Variants in KHDRBS2 observed in about 807,000 individuals in gnomAD.
The protein encoded by KHDRBS2 is KH RNA binding domain containing, signal transduction associated 2.
Under a neutral mutation model 44.3 loss-of-function variants are expected in KHDRBS2, and 26 were observed. The ratio of observed to expected loss-of-function variants is 0.59; its 90% CI spans 0.43 to 0.81. The LOEUF (loss-of-function observed/expected upper bound fraction) is 0.81, where lower values mean the gene tolerates loss of function less well. KHDRBS2 is among the 40% of genes least tolerant of loss of function. The pLI is 0.00. For missense variants in KHDRBS2, 476 were observed against 433.1 expected, an observed-to-expected ratio of 1.10 and a Z score of -0.88; for synonymous variants, 194 against 151.1, an observed-to-expected ratio of 1.28 and a Z score of -2.08.
chr6:61,548,256 A>G, the KHDRBS2 span, among the ~76,000 whole-genome samples: 1 of 152,168 alleles, frequency 6.6e-6, no homozygotes, highest in Non-Finnish European at 1.5e-5. Context: ...AAAACATGAG[A>G]TATTTTGTCT....
At chr6:61,663,200 G>T in the KHDRBS2 span, among the ~76,000 whole-genome samples, 4 of 136,540 alleles carry the variant, frequency 2.9e-5, no homozygotes, top group South Asian at 9.9e-4. Flanking sequence ...AATTGAACAA[G>T]GAGAACACCT....
intron 6 of KHDRBS2, among the ~76,000 whole-genome samples, chr6:61,885,744 A>G (rs1046906398): frequency 8.5e-4 from 129 of 152,266 alleles, no homozygotes; most frequent in African/African-American, 3.1e-3. Context: ...TGCAGATAAA[A>G]TACCTTACTT....
intron 2 of KHDRBS2, among the ~76,000 whole-genome samples, chr6:62,136,993 C>CTTTTTTTTTTTT (rs141092447): frequency 7.7e-5 from 6 of 78,318 alleles, no homozygotes; most frequent in African/African-American, 1.6e-4. Context: ...TCTTTCTTTT[C>CTTTTTTTTTTTT]TTTTTTTTTT....
chr6:61,995,555 A>G (rs915387229), intron 3 of KHDRBS2, among the ~76,000 whole-genome samples: 4 of 152,186 alleles, frequency 2.6e-5, no homozygotes, highest in Non-Finnish European at 4.4e-5. Flanking sequence ...TTTTTGTCCA[A>G]TAATTAATGG....
the KHDRBS2 span, among the ~76,000 whole-genome samples, chr6:61,663,931 G>GTA: frequency 1.3e-5 from 2 of 151,656 alleles, no homozygotes; most frequent in South Asian, 2.1e-4. Flanking sequence ...GTACACTCAT[G>GTA]TAAAAATGAA....
chr6:61,954,009 G>A (rs1228919466), intron 4 of KHDRBS2, among the ~76,000 whole-genome samples: 1 of 152,148 alleles, frequency 6.6e-6, no homozygotes, highest in African/African-American at 2.4e-5. Context: ...CATGACAAGT[G>A]AATAAACAAG....
At chr6:61,779,798 C>T (rs529781701) in intron 6 of KHDRBS2, among the ~76,000 whole-genome samples, 8 of 152,200 alleles carry the variant, frequency 5.3e-5, no homozygotes, top group Non-Finnish European at 8.8e-5. Context: ...GAGGTAGGGA[C>T]TATTCATTCC....
At chr6:62,114,770 A>G (rs1805812652) in intron 2 of KHDRBS2, among the ~76,000 whole-genome samples, 1 of 147,052 alleles carries the variant, frequency 6.8e-6, no homozygotes, top group South Asian at 2.1e-4. Flanking sequence ...TGTTGGCTCC[A>G]GAGTCTGAAC....
chr6:61,713,278 A>T (rs1770832471), intron 7 of KHDRBS2, among the ~76,000 whole-genome samples: 1 of 151,730 alleles, frequency 6.6e-6, no homozygotes, highest in African/African-American at 2.4e-5. Context: ...CAAACCCTTA[A>T]TAAACATGAA....
intron 6 of KHDRBS2, among the ~76,000 whole-genome samples, chr6:61,741,501 G>A (rs981196319): frequency 1.3e-5 from 2 of 151,844 alleles, no homozygotes; most frequent in African/African-American, 4.8e-5. Context: ...GATTAAGGGG[G>A]TACATGTTGA....
rs143340543 is a variant in KHDRBS2, at chr6:61,906,403, C to T, written c.484-5032G>A. The stretch of plus-strand genomic sequence containing the variant: ...TCATTTCTTTGTGTTAGGAACATTC[C>T]AGTTCCACTCTTTTAGTGATTTTAA... On this transcript the variant is annotated intron_variant, in intron 4 of 8. Transcript: ENST00000281156. Among the ~76,000 whole-genome samples the T allele has an allele frequency of 6.2e-3, 946 of 152,146 alleles. 6 individuals carry two copies. Among genetic ancestry groups the T allele is most frequent in the Non-Finnish European group, 0.011 (745 of 68,016 alleles).
At chr6:61,744,704 T>A (rs1232475145) in intron 6 of KHDRBS2, among the ~76,000 whole-genome samples, 4 of 152,140 alleles carry the variant, frequency 2.6e-5, no homozygotes, top group Non-Finnish European at 5.9e-5. Flanking sequence ...TTCAGCTTTA[T>A]CCTTTTTATC....
chr6:61,955,122 A>G (rs573849843), intron 4 of KHDRBS2, among the ~76,000 whole-genome samples: 72 of 145,118 alleles, frequency 5.0e-4, no homozygotes, highest in African/African-American at 1.7e-3. Context: ...ATGTGTATAT[A>G]TGTATACATA....
intron 1 of KHDRBS2, among the ~76,000 whole-genome samples, chr6:62,264,467 A>G (rs1004556648): frequency 6.6e-6 from 1 of 151,730 alleles, no homozygotes; most frequent in Non-Finnish European, 1.5e-5. Context: ...GTTTCTTCCC[A>G]TAGTGATTTT....
the KHDRBS2 span, among the ~76,000 whole-genome samples, chr6:61,578,495 C>A: frequency 6.6e-6 from 1 of 152,096 alleles, no homozygotes; most frequent in Admixed American, 6.6e-5. Flanking sequence ...ATCTCCACAG[C>A]AGTAAAGCTT....
At chr6:61,855,624 C>CTTTGT (rs3076295) in intron 6 of KHDRBS2, among the ~76,000 whole-genome samples, 27,679 of 149,554 alleles carry the variant, frequency 0.19, 2,847 homozygotes, top group African/African-American at 0.27. Context: ...ATGCCTGGTG[C>CTTTGT]TTTGTTTTGT....
At chr6:62,054,050 T>C (rs542228961) in intron 2 of KHDRBS2, among the ~76,000 whole-genome samples, 1 of 152,184 alleles carries the variant, frequency 6.6e-6, no homozygotes, top group Non-Finnish European at 1.5e-5. Flanking sequence ...TGTTGAGAGA[T>C]ATATTGTGTT....
the KHDRBS2 span, among the ~76,000 whole-genome samples, chr6:61,580,413 G>A: frequency 6.6e-6 from 1 of 152,124 alleles, no homozygotes; most frequent in South Asian, 2.1e-4. Flanking sequence ...TGAGGGCAAG[G>A]CCAAATAAGG....
At chr6:62,066,984 C>T (rs187690421) in intron 2 of KHDRBS2, among the ~76,000 whole-genome samples, 1 of 151,422 alleles carries the variant, frequency 6.6e-6, no homozygotes, top group Non-Finnish European at 1.5e-5. Flanking sequence ...ATTAATTCAG[C>T]AGTGGGAGTA....
Sources: allele counts gnomAD v4.1 joint callset (sites outside exome capture counted in the v4.1 genomes callset), GRCh38; gene constraint gnomAD v4.1.1; transcripts MANE v1.5; gene names NCBI Gene and HGNC (gene_info 2026-07-23, HGNC 2026-07-21).